The following ANKRD27 variants were observed in gnomAD, a reference collection of about 807,000 sequenced individuals.
ANKRD27 encodes the protein ankyrin repeat domain-containing protein 27.
In ANKRD27, 112 loss-of-function variants were observed where a neutral mutation model predicts 129.7. The ratio of observed to expected loss-of-function variants is 0.86; its 90% confidence interval spans 0.74 to 1.01. The LOEUF (loss-of-function observed/expected upper bound fraction) is 1.01. Ranked by LOEUF, ANKRD27 falls within the 50% of genes least tolerant of loss-of-function variation. The pLI is 0.00. For synonymous variants in ANKRD27, 516 were observed against 511.2 expected (o/e 1.01, Z -0.13); for missense variants, 1,258 against 1,300.5 (o/e 0.97, Z 0.50).
intron 12 of ANKRD27, among the ~76,000 whole-genome samples, chr19:32,636,958 G>A (rs762779522): frequency 2.0e-5 from 3 of 152,146 alleles, no homozygotes; most frequent in Non-Finnish European, 2.9e-5. Context: ...ATGTTGGCCA[G>A]GCTGGTCTCG....
chr19:32,668,912 C>A lies in ANKRD27; in HGVS notation c.-31+6159G>T, dbSNP rs148067997. ...ACTCTAGGCAAGTAGGTATCACTAG[C>A]CTGTGTCACAGATGAAGAAACTGAG... is the stretch of plus-strand genomic sequence containing the variant. On this transcript the variant is annotated intron_variant, in intron 1 of 28. Transcript: ENST00000306065. Among the ~76,000 whole-genome samples, 7 of 152,220 alleles carry A rather than the reference C, an allele frequency of 4.6e-5. No homozygotes were observed. The East Asian group carries it at 1.4e-3, about 29-fold the overall frequency.
At chr19:32,643,872 T>TCTCTCGTC in intron 5 of ANKRD27, 1 of 547,314 alleles carries the variant, frequency 1.8e-6, no homozygotes, top group South Asian at 2.2e-5. Context: ...CTTTACCACT[T>TCTCTCGTC]GGTTTGTTTT....
chr19:32,640,502 G>A (rs900337231), intron 10 of ANKRD27, 117 bp from the exon 11 acceptor site: 60 of 814,592 alleles, frequency 7.4e-5, no homozygotes, highest in Non-Finnish European at 1.2e-4. Context: ...ATCATACACT[G>A]GGGGAGAAAT....
intron 20 of ANKRD27, among the ~76,000 whole-genome samples, chr19:32,618,573 T>C: frequency 6.6e-6 from 1 of 152,108 alleles, no homozygotes; most frequent in South Asian, 2.1e-4. Flanking sequence ...CTCTGGACCA[T>C]GTCTCTTGGC....
chr19:32,628,711 C>A lies in ANKRD27; in HGVS notation c.1337+11G>T. The stretch of plus-strand genomic sequence containing the variant: ...TCCTGGCACTCTGAGCCTCCACCAG[C>A]ACCCTCTTACCCAGAGACGAGTTTC... On this transcript the variant is annotated intron_variant, in intron 14 of 28. Transcript: ENST00000306065. 6.2e-7 allele frequency: 1 copy of A among 1,613,668 alleles called. No individual in the cohort carries two copies. Among genetic ancestry groups the A allele is most frequent in the Non-Finnish European group, 8.5e-7 (1 of 1,179,728 alleles).
At chr19:32,639,704 G>A (rs998382256) in intron 11 of ANKRD27, among the ~76,000 whole-genome samples, 1 of 152,174 alleles carries the variant, frequency 6.6e-6, no homozygotes, top group African/African-American at 2.4e-5. Context: ...TTAGCAAGCT[G>A]ATTACCGTAA....
intron 20 of ANKRD27, 118 bp from the exon 21 acceptor site, chr19:32,617,751 TAG>T: frequency 6.2e-6 from 3 of 487,612 alleles, no homozygotes; most frequent in Non-Finnish European, 7.5e-6. Flanking sequence ...ACGTCTGATT[TAG>T]TTTTTTTTTT....
intron 23 of ANKRD27, among the ~76,000 whole-genome samples, chr19:32,607,096 C>G (rs918232430): frequency 1.0e-4 from 15 of 146,392 alleles, no homozygotes; most frequent in Non-Finnish European, 1.8e-4. Flanking sequence ...GAGATTGCAC[C>G]ACTGCACTCC....
rs756946700 is a variant in ANKRD27, at chr19:32,599,806, T to C, written c.2847-30A>G. 5.6e-6 allele frequency: 9 copies of C among 1,608,212 alleles called. No homozygotes were observed. In the East Asian group the frequency reaches 1.8e-4, roughly 32 times the overall value. On this transcript the variant is annotated intron_variant, in intron 27 of 28. Transcript: ENST00000306065. The stretch of plus-strand genomic sequence containing the variant: ...AACCCAAAATAAACGAAAATAAATA[T>C]TTGGGACAGTGGCATGAAACACTCT...
chr19:32,604,995 C>T (rs576175616), intron 24 of ANKRD27, among the ~76,000 whole-genome samples: 6 of 151,912 alleles, frequency 3.9e-5, no homozygotes, highest in Non-Finnish European at 7.4e-5. Context: ...TCGCTTGAAC[C>T]CCGGAGGCAG....
chr19:32,643,781 T>A, intron 5 of ANKRD27, 150 bp from the exon 6 acceptor site: 2 of 725,952 alleles, frequency 2.8e-6, no homozygotes, highest in South Asian at 3.3e-5. Context: ...TTTTTAGGTG[T>A]ATATGCATTA....
intron 10 of ANKRD27, among the ~76,000 whole-genome samples, chr19:32,641,048 G>A (rs890295628): frequency 2.6e-5 from 4 of 151,862 alleles, no homozygotes; most frequent in Non-Finnish European, 5.9e-5. Context: ...ACAGGTGCCC[G>A]CCACCATGCC....
At position 32,640,470 on chromosome 19, in the gene ANKRD27, T is replaced by C. The variant is rs1599759051; in HGVS notation, c.905-85A>G. The C allele has an allele frequency of 1.4e-5, 16 of 1,108,750 alleles. No individual in the cohort carries two copies. In the East Asian group the frequency reaches 3.8e-4, roughly 26 times the overall value. 68.7% of individuals were successfully genotyped at this position (1,108,750 alleles called of 1,614,324 possible). On this transcript the variant is annotated intron_variant, in intron 10 of 28. Coordinates refer to ENST00000306065, the MANE Select transcript of ANKRD27 (RefSeq NM_032139.3). ...ATCAACTCCCTACCACCGCACACCT[T>C]GTGAAACCACGTATCAGGGAGATCA...
chr19:32,606,446 G>A (rs901834834), intron 23 of ANKRD27, among the ~76,000 whole-genome samples: 59 of 152,046 alleles, frequency 3.9e-4, no homozygotes, highest in African/African-American at 1.4e-3. Flanking sequence ...GAGCCACCAC[G>A]CCCAGCCGTC....
chr19:32,605,955 C>A lies in ANKRD27; in HGVS notation c.2374-1G>T. 1 of 1,612,838 alleles carries A rather than the reference C, an allele frequency of 6.2e-7. No homozygotes were observed. Among genetic ancestry groups the A allele is most frequent in the African/African-American group, 1.3e-5 (1 of 74,892 alleles). On this transcript the variant is annotated splice_acceptor_variant, in intron 23 of 28. Transcript: ENST00000306065. LOFTEE classifies it high-confidence loss of function. ...TCGAATCTAACAGACACTTCACCAC[C>A]TGGGCCAGAGAAGGAAAACGTGCAA... is the stretch of plus-strand genomic sequence containing the variant.
At chr19:32,628,027 T>C (rs1010431721) in intron 15 of ANKRD27, 56 bp downstream of exon 15, 65 of 1,547,078 alleles carry the variant, frequency 4.2e-5, no homozygotes, top group Middle Eastern at 1.8e-4. Flanking sequence ...CTGGGTCACC[T>C]TGGGCACCAT....
At chr19:32,645,566 G>C (rs973679788) in intron 4 of ANKRD27, among the ~76,000 whole-genome samples, 16 of 151,996 alleles carry the variant, frequency 1.1e-4, no homozygotes, top group African/African-American at 3.6e-4. Context: ...AGCCTCTTGA[G>C]TAACTGAGAC....
Position 32,615,742 on chromosome 19 carries a change from C to CT in ANKRD27, c.2090dup (p.Asp698GlyfsTer108). 1.2e-6 allele frequency: 2 copies of CT among 1,614,166 alleles called. No individual in the cohort carries two copies. The highest frequency in any genetic ancestry group is 1.7e-6 in the Non-Finnish European group (2 of 1,180,040). ...CTGCACTGACAGTGTCCTCCGCATC[C>CT]TCCAGGTCCTCCTCTGTCCATTCCA... On this transcript the variant is annotated frameshift_variant, in exon 22 of 29. Transcript: ENST00000306065. LOFTEE classifies it high-confidence loss of function.
intron 13 of ANKRD27, among the ~76,000 whole-genome samples, chr19:32,629,593 G>A (rs1461045895): frequency 6.6e-6 from 1 of 152,050 alleles, no homozygotes; most frequent in Admixed American, 6.6e-5. Flanking sequence ...CCAGCGACTC[G>A]GGAGGCTGAG....
Sources: gnomAD v4.1 joint callset for allele counts (sites outside exome capture counted in the v4.1 genomes callset) on GRCh38, gnomAD v4.1.1 for gene constraint, MANE v1.5 for transcripts, NCBI Gene and HGNC (gene_info 2026-07-23, HGNC 2026-07-21) for gene names.